B4GALT6: variants seen among roughly 807,000 people sequenced by gnomAD.
B4GALT6 encodes UDP-Gal:beta-GlcNAc beta-1,4-galactosyltransferase 6.
Under a neutral mutation model 46.3 loss-of-function variants are expected in B4GALT6, and 14 were observed. The ratio of observed to expected loss-of-function variants is 0.30; its 90% CI spans 0.20 to 0.47. B4GALT6 has a LOEUF of 0.47. B4GALT6 is among the 20% of genes least tolerant of loss of function. The probability of loss-of-function intolerance (pLI) is 0.99; values close to 1 mark genes in which losing one functional copy is unlikely to be tolerated. For synonymous variants in B4GALT6, 168 were observed against 162.0 expected (o/e 1.04, Z -0.28); for missense variants, 386 against 480.1 (o/e 0.80, Z 1.83).
At chr18:31,671,351 A>G (rs1237850718) in intron 1 of B4GALT6, among the ~76,000 whole-genome samples, 1 of 151,978 alleles carries the variant, frequency 6.6e-6, no homozygotes, top group Non-Finnish European at 1.5e-5. Flanking sequence ...GAACTAATTT[A>G]CCCTCCCACC....
intron 3 of B4GALT6, among the ~76,000 whole-genome samples, chr18:31,649,323 T>A (rs2144601760): frequency 6.6e-6 from 1 of 151,198 alleles, no homozygotes; most frequent in African/African-American, 2.4e-5. Context: ...AGACAGAGCA[T>A]TAGTCACACA....
At chr18:31,724,474 C>T in the B4GALT6 span, 1 of 1,012,364 alleles carries the variant, frequency 9.9e-7, no homozygotes, top group Admixed American at 5.8e-5. Flanking sequence ...CCCGGGCAGA[C>T]CCGGGAGAGC....
the B4GALT6 span, among the ~76,000 whole-genome samples, chr18:31,721,099 C>T: frequency 6.9e-6 from 1 of 144,768 alleles, no homozygotes; most frequent in Non-Finnish European, 1.5e-5. Context: ...TTAGGAAGTT[C>T]TTGGCAGAAG....
chr18:31,709,880 G>A, the B4GALT6 span, among the ~76,000 whole-genome samples: 3 of 151,856 alleles, frequency 2.0e-5, no homozygotes, highest in East Asian at 3.9e-4. Flanking sequence ...ATCATCTGAG[G>A]TCAGGAGTTC....
the B4GALT6 span, among the ~76,000 whole-genome samples, chr18:31,699,675 T>G: frequency 2.7e-5 from 4 of 145,686 alleles, no homozygotes; most frequent in African/African-American, 1.0e-4. Context: ...ATACGAGAAC[T>G]GTGGCTCTCA....
rs191264986 is a variant in B4GALT6 at position 31,670,787 on chromosome 18, G to A, written c.116-4415C>T. Among the ~76,000 whole-genome samples, 35 of 151,810 alleles carry A rather than the reference G, an allele frequency of 2.3e-4. No individual in the cohort carries two copies. In the East Asian group the frequency reaches 6.6e-3, roughly 29 times the overall value. ...TTTTATTATTATACTTTAAGTTCTG[G>A]GGTACATGTGCAGAATGTGCAGGTT... is the stretch of plus-strand genomic sequence containing the variant. On this transcript the variant is annotated intron_variant, in intron 1 of 8. Coordinates refer to ENST00000306851, the MANE Select transcript of B4GALT6 (RefSeq NM_004775.5).
intron 1 of B4GALT6, among the ~76,000 whole-genome samples, chr18:31,680,548 A>G (rs1405866479): frequency 1.3e-5 from 2 of 152,118 alleles, no homozygotes; most frequent in East Asian, 3.9e-4. Flanking sequence ...GCCCAACCAG[A>G]TTTCACCTCT....
rs771596136 is a variant in B4GALT6 at position 31,645,439 on chromosome 18, A to C, written c.387T>G (p.Asp129Glu). The change falls in exon 4 of 9, where the codon GAT becomes GAG. Residue 129 changes from aspartate to glutamate, a missense_variant. Asp to Glu is a conservative substitution (Grantham distance 45, BLOSUM62 2). This residue lies in a region of B4GALT6 where 323 missense variants were observed against 438.9 expected (regional missense o/e 0.74). Coordinates refer to ENST00000306851, the MANE Select transcript of B4GALT6 (RefSeq NM_004775.5). ...LNVNVSEVSF[D>E]EIHQLFSKDL... ...CCTTGGAGAAGAGTTGATGAATTTC[A>C]TCAAAACTGACTTCGCTTACATTGA... is the stretch of plus-strand genomic sequence containing the variant. The C allele has an allele frequency of 1.9e-6, 3 of 1,613,668 alleles. No homozygotes were observed. The highest frequency in any genetic ancestry group is 3.3e-5 in the Admixed American group (2 of 59,936).
At chr18:31,694,930 A>C in the B4GALT6 span, among the ~76,000 whole-genome samples, 2 of 152,346 alleles carry the variant, frequency 1.3e-5, no homozygotes, top group Admixed American at 1.3e-4. Context: ...TGAATTGCAT[A>C]GTGATTAATA....
chr18:31,701,874 T>C, the B4GALT6 span, among the ~76,000 whole-genome samples: 4 of 152,026 alleles, frequency 2.6e-5, no homozygotes, highest in Admixed American at 6.5e-5. Flanking sequence ...CCTTAATATT[T>C]AAAAAAGCAC....
At chr18:31,711,365 C>T in the B4GALT6 span, among the ~76,000 whole-genome samples, 1,821 of 152,204 alleles carry the variant, frequency 0.012, 43 homozygotes, top group African/African-American at 0.042. Flanking sequence ...CAAGTACTAA[C>T]TTCGTACCCA....
chr18:31,649,405 C>G (rs2074032353), intron 3 of B4GALT6, among the ~76,000 whole-genome samples: 2 of 152,168 alleles, frequency 1.3e-5, no homozygotes, highest in South Asian at 4.1e-4. Context: ...ATTCCTGTCT[C>G]ATCCCTGCTT....
At chr18:31,661,212 A>G (rs1048111510) in intron 2 of B4GALT6, among the ~76,000 whole-genome samples, 1 of 152,244 alleles carries the variant, frequency 6.6e-6, no homozygotes, top group African/African-American at 2.4e-5. Flanking sequence ...AAATTGTGAC[A>G]TAATTATATT....
chr18:31,659,122 C>CTGGATCACAAACAATGT (rs1379448511), intron 2 of B4GALT6, among the ~76,000 whole-genome samples: 5 of 152,268 alleles, frequency 3.3e-5, no homozygotes, highest in African/African-American at 9.6e-5. Flanking sequence ...CGTCTGTCTC[C>CTGGATCACAAACAATGT]TGGATCACAA....
intron 1 of B4GALT6, among the ~76,000 whole-genome samples, chr18:31,671,486 T>G (rs1488917570): frequency 6.6e-6 from 1 of 152,216 alleles, no homozygotes; most frequent in Non-Finnish European, 1.5e-5. Context: ...TTTGCATTTC[T>G]CTAATGACCA....
intron 1 of B4GALT6, among the ~76,000 whole-genome samples, chr18:31,676,209 C>T (rs1426217486): frequency 6.6e-6 from 1 of 152,040 alleles, no homozygotes; most frequent in Non-Finnish European, 1.5e-5. Flanking sequence ...ATACACGTAA[C>T]AAGATTTCAG....
chr18:31,714,287 G>C, the B4GALT6 span, among the ~76,000 whole-genome samples: 1 of 152,124 alleles, frequency 6.6e-6, no homozygotes, highest in Non-Finnish European at 1.5e-5. Context: ...CACTGAACTG[G>C]AGCAACAAAA....
upstream of B4GALT6, among the ~76,000 whole-genome samples, chr18:31,687,119 C>T (rs572901742): frequency 1.3e-5 from 2 of 152,160 alleles, no homozygotes; most frequent in African/African-American, 4.8e-5. Context: ...AAGTGTCCCC[C>T]ACGGTACTTG....
At chr18:31,695,591 A>G in the B4GALT6 span, among the ~76,000 whole-genome samples, 2 of 152,252 alleles carry the variant, frequency 1.3e-5, no homozygotes, top group African/African-American at 2.4e-5. Flanking sequence ...CATTTCTGTA[A>G]GAAGCAAGCT....
Sources: gnomAD v4.1 joint callset for allele counts (sites outside exome capture counted in the v4.1 genomes callset) on GRCh38, gnomAD v4.1.1 for gene constraint, gnomAD v4.1.1 regional missense constraint, MANE v1.5 for transcripts, NCBI Gene and HGNC (gene_info 2026-07-23, HGNC 2026-07-21) for gene names.